The following LDLRAD3 variants were observed in gnomAD, a reference collection of about 807,000 sequenced individuals.
The protein encoded by LDLRAD3 is low density lipoprotein receptor class A domain containing 3.
Under a neutral mutation model 29.4 loss-of-function variants are expected in LDLRAD3, and 20 were observed. That is an observed-to-expected ratio of 0.68 (90% CI 0.48 to 0.99). The LOEUF (loss-of-function observed/expected upper bound fraction) is 0.99. LDLRAD3 is among the 50% of genes least tolerant of loss of function. The pLI is 0.00. For missense variants in LDLRAD3, 420 were observed against 454.3 expected (o/e 0.92, Z 0.69); for synonymous variants, 157 against 192.7 (o/e 0.81, Z 1.53).
chr11:36,012,543 A>C (rs1851969419), intron 1 of LDLRAD3, among the ~76,000 whole-genome samples: 1 of 152,216 alleles, frequency 6.6e-6, no homozygotes, highest in African/African-American at 2.4e-5. Flanking sequence ...CTGAAACACA[A>C]ACATTGCAAG....
At chr11:36,077,696 A>G (rs542660692) in intron 2 of LDLRAD3, among the ~76,000 whole-genome samples, 1 of 152,240 alleles carries the variant, frequency 6.6e-6, no homozygotes, top group African/African-American at 2.4e-5. Flanking sequence ...GGTGCCCAGA[A>G]CCTTGGAGAC....
At chr11:35,971,544 G>T (rs545362883) in intron 1 of LDLRAD3, among the ~76,000 whole-genome samples, 1 of 152,300 alleles carries the variant, frequency 6.6e-6, no homozygotes, top group South Asian at 2.1e-4. Flanking sequence ...ACCATGTGCA[G>T]ACACAGTGAG....
chr11:36,223,065 AG>A (rs1327820443), intron 4 of LDLRAD3, among the ~76,000 whole-genome samples: 1 of 152,214 alleles, frequency 6.6e-6, no homozygotes, highest in Non-Finnish European at 1.5e-5. Flanking sequence ...CTCTGATATT[AG>A]TAATTTGGCC....
At chr11:36,046,462 G>A (rs533337838) in intron 2 of LDLRAD3, among the ~76,000 whole-genome samples, 16 of 152,152 alleles carry the variant, frequency 1.1e-4, no homozygotes, top group Admixed American at 5.9e-4. Context: ...ACATCACTCC[G>A]TCTCTGCCTC....
chr11:36,215,515 C>A (rs1403594015), intron 4 of LDLRAD3, among the ~76,000 whole-genome samples: 1 of 152,098 alleles, frequency 6.6e-6, no homozygotes. Flanking sequence ...GTGCAGAGTC[C>A]CGTTTGGCAT....
chr11:36,217,498 G>T (rs1855368220), intron 4 of LDLRAD3, among the ~76,000 whole-genome samples: 1 of 152,208 alleles, frequency 6.6e-6, no homozygotes, highest in African/African-American at 2.4e-5. Flanking sequence ...TAATTCCTCA[G>T]GTATAGGGAG....
intron 3 of LDLRAD3, among the ~76,000 whole-genome samples, chr11:36,083,791 A>G (rs1037382711): frequency 1.3e-5 from 2 of 151,192 alleles, no homozygotes; most frequent in African/African-American, 4.9e-5. Flanking sequence ...CCCCAGAATA[A>G]TCCAATGGCA....
intron 1 of LDLRAD3, among the ~76,000 whole-genome samples, chr11:35,969,520 G>A (rs1851385915): frequency 6.6e-6 from 1 of 152,238 alleles, no homozygotes; most frequent in Non-Finnish European, 1.5e-5. Flanking sequence ...CCACCGAGCA[G>A]AGAATGGGAA....
intron 4 of LDLRAD3, among the ~76,000 whole-genome samples, chr11:36,168,498 C>CTTTTTTTTT (rs5791083): frequency 1.8e-4 from 21 of 115,790 alleles, no homozygotes; most frequent in East Asian, 4.6e-4. Flanking sequence ...TTTCTTTCTT[C>CTTTTTTTTT]TTTTTTTTTT....
At chr11:35,963,532 CACCCG>C (rs1485177216) in intron 1 of LDLRAD3, among the ~76,000 whole-genome samples, 1 of 152,040 alleles carries the variant, frequency 6.6e-6, no homozygotes, top group South Asian at 2.1e-4. Context: ...TCGGCTTTGC[CACCCG>C]ATTAAAGCCT....
chr11:36,104,128 C>T (rs1331398075), intron 4 of LDLRAD3, among the ~76,000 whole-genome samples: 2 of 152,220 alleles, frequency 1.3e-5, no homozygotes, highest in African/African-American at 4.8e-5. Flanking sequence ...CTCTCTCCCA[C>T]TCTTGAGGCA....
chr11:36,055,049 GGATA>G, intron 2 of LDLRAD3, among the ~76,000 whole-genome samples: 2 of 32,634 alleles, frequency 6.1e-5, no homozygotes, highest in Non-Finnish European at 1.3e-4. Context: ...ATGCATGGAT[GGATA>G]GATGAATGGG....
At chr11:36,076,329 AT>A (rs1853001724) in intron 2 of LDLRAD3, among the ~76,000 whole-genome samples, 1 of 151,190 alleles carries the variant, frequency 6.6e-6, no homozygotes, top group Non-Finnish European at 1.5e-5. Context: ...TCAAATTTCC[AT>A]TGGAAATTTT....
intron 4 of LDLRAD3, among the ~76,000 whole-genome samples, chr11:36,191,538 G>GTCTCTCTC (rs751965155): frequency 0.017 from 919 of 55,558 alleles, 18 homozygotes; most frequent in Middle Eastern, 0.062. Flanking sequence ...GCAAGACCCT[G>GTCTCTCTC]TCTCTCTCTC....
intron 4 of LDLRAD3, among the ~76,000 whole-genome samples, chr11:36,220,991 A>C (rs530847984): frequency 4.6e-5 from 7 of 152,206 alleles, no homozygotes; most frequent in Non-Finnish European, 1.0e-4. Context: ...AGTTTTTCAA[A>C]GGGATGAGGA....
At chr11:36,134,678 T>C (rs1040494613) in intron 4 of LDLRAD3, among the ~76,000 whole-genome samples, 2 of 152,238 alleles carry the variant, frequency 1.3e-5, no homozygotes, top group African/African-American at 4.8e-5. Flanking sequence ...GCAGCCACAT[T>C]GGGCATCTGT....
chr11:35,970,750 A>G (rs1851401917), intron 1 of LDLRAD3, among the ~76,000 whole-genome samples: 1 of 152,182 alleles, frequency 6.6e-6, no homozygotes, highest in Admixed American at 6.5e-5. Flanking sequence ...CCATGCATTC[A>G]TTTTCATGAT....
intron 1 of LDLRAD3, among the ~76,000 whole-genome samples, chr11:35,994,336 CAAAAAAAAAAAAAAAAA>C (rs36041385): frequency 8.2e-5 from 4 of 48,994 alleles, no homozygotes; most frequent in Admixed American, 6.0e-4. Context: ...GACTTTGTCT[CAAAAAAAAAAAAAAAAA>C]AAAAAAAAAA....
chr11:36,025,485 T>G (rs1191232296), intron 1 of LDLRAD3, among the ~76,000 whole-genome samples: 1 of 150,464 alleles, frequency 6.6e-6, no homozygotes, highest in Non-Finnish European at 1.5e-5. Flanking sequence ...GCCTCCAGGG[T>G]TCACGCCATT....
Sources: gnomAD v4.1 joint callset for allele counts (sites outside exome capture counted in the v4.1 genomes callset) on GRCh38, gnomAD v4.1.1 for gene constraint, MANE v1.5 for transcripts, NCBI Gene and HGNC (gene_info 2026-07-23, HGNC 2026-07-21) for gene names.